C17orf67: variants seen among roughly 807,000 people sequenced by gnomAD.
C17orf67 encodes the protein uncharacterized protein C17orf67.
A neutral mutation model predicts 11.2 loss-of-function variants in C17orf67; 12 were observed. The ratio of observed to expected loss-of-function variants is 1.07; its 90% CI spans 0.68 to 1.73. The LOEUF (loss-of-function observed/expected upper bound fraction) is 1.73. Among genes scored for constraint, C17orf67 ranks in the 40% most tolerant of loss-of-function variants. The probability of loss-of-function intolerance (pLI) is 0.00; values close to 1 mark genes in which losing one functional copy is unlikely to be tolerated. For missense variants in C17orf67, 115 were observed against 113.5 expected (o/e 1.01, Z -0.06); for synonymous variants, 59 against 46.9 (o/e 1.26, Z -1.05).
At position 56,824,733 on chromosome 17, in the gene C17orf67, A is replaced by G. The variant is rs999736066; in HGVS notation, c.-201+6T>C. On this transcript the variant is annotated splice_donor_region_variant and intron_variant, in intron 4 of 7. Coordinates refer to ENST00000397861, the MANE Select transcript of C17orf67 (RefSeq NM_001085430.4). The stretch of plus-strand genomic sequence containing the variant: ...GACTCTGTCCCAAAGACATTGCTCA[A>G]CTTACCTCCTGCTGGGAACCTTCAC... 2 of 152,286 alleles carry G rather than the reference A, an allele frequency of 1.3e-5. No individual in the cohort carries two copies. Among genetic ancestry groups the G allele is most frequent in the African/African-American group, 4.8e-5 (2 of 41,464 alleles). 9.4% of individuals were successfully genotyped at this position (152,286 alleles called of 1,614,324 possible). A position where few individuals can be genotyped will look rare whatever the true frequency, so the allele number is the denominator to read the frequency against.
rs1436412412 is a variant in C17orf67 at position 56,792,898 on chromosome 17, TGGG to T, written c.*21-549_*21-547del. Among the ~76,000 whole-genome samples, 7 of 118,290 alleles carry T rather than the reference TGGG, an allele frequency of 5.9e-5. 1 individual carries two copies. Among genetic ancestry groups the T allele is most frequent in the African/African-American group, 1.3e-4 (4 of 31,232 alleles). The allele number at this position is 118,290 out of a possible 152,430, so 77.6% of individuals were successfully genotyped here. On this transcript the variant is annotated intron_variant, in intron 7 of 7. Transcript: ENST00000397861. Reference sequence around the variant, plus strand: ...GTGGTGGTGGTGGTGGTGATGGTGGTGGGGGTGATGGTGGTGGTGATGATGGTG... The same window carrying T: ...GTGGTGGTGGTGGTGGTGATGGTGGTGGTGATGGTGGTGGTGATGATGGTG...
rs1382946061 is a variant in C17orf67, at chr17:56,833,064, C to G, written c.-723G>C. On this transcript the variant is annotated 5_prime_UTR_variant, in exon 2 of 8. Coordinates refer to ENST00000397861, the MANE Select transcript of C17orf67 (RefSeq NM_001085430.4). ...GTGTGTTTTCTTTCCATCTTTTATG[C>G]TAGAGGAAGTCCGCAAGCAACAAGT... 6.6e-6 allele frequency: 1 copy of G among 152,218 alleles called. No individual in the cohort carries two copies. Among genetic ancestry groups the G allele is most frequent in the African/African-American group, 2.4e-5 (1 of 41,430 alleles). The allele number at this position is 152,218 out of a possible 1,614,324, so 9.4% of individuals were successfully genotyped here.
rs373056538 is a variant in C17orf67 at position 56,795,160 on chromosome 17, G to A, written c.177C>T (p.Leu59=). Residue 59 remains leucine (L), a synonymous_variant, in exon 7 of 8, where the codon CTC becomes CTT. Coordinates refer to ENST00000397861, the MANE Select transcript of C17orf67 (RefSeq NM_001085430.4). ...GCTCCTCAGCGCGATGCTCCAGGGC[G>A]AGCAGGTGGTGCATGTATTCCTGTC... ...EPMREYMHHL[L]ALEHRAEEQF... is the part of the protein sequence containing the mutation. The A allele has an allele frequency of 1.0e-4, 169 of 1,613,978 alleles. No individual in the cohort carries two copies. Among genetic ancestry groups the A allele is most frequent in the Middle Eastern group, 4.9e-4 (3 of 6,084 alleles).
chr17:56,827,929 G>A lies in C17orf67; in HGVS notation c.-556-2608C>T, dbSNP rs367660086. Among the ~76,000 whole-genome samples, 4 of 152,124 alleles carry A rather than the reference G, an allele frequency of 2.6e-5. No individual in the cohort carries two copies. The South Asian group carries it at 6.2e-4, about 24-fold the overall frequency. On this transcript the variant is annotated intron_variant, in intron 2 of 7. Coordinates refer to ENST00000397861, the MANE Select transcript of C17orf67 (RefSeq NM_001085430.4). Reference sequence around the variant, plus strand: ...CATTTAAAAATGTGGATGCTGGGCCGGTCGCAGTGGCTCACACCTGTAATC... The same window carrying A: ...CATTTAAAAATGTGGATGCTGGGCCAGTCGCAGTGGCTCACACCTGTAATC...
intron 2 of C17orf67, among the ~76,000 whole-genome samples, chr17:56,830,206 G>C (rs922362727): frequency 6.6e-6 from 1 of 151,982 alleles, no homozygotes; most frequent in Non-Finnish European, 1.5e-5. Flanking sequence ...TTAGCCGGGC[G>C]TGGTGGCGGG....
intron 2 of C17orf67, among the ~76,000 whole-genome samples, chr17:56,825,741 G>A (rs577475686): frequency 6.6e-6 from 1 of 152,080 alleles, no homozygotes; most frequent in African/African-American, 2.4e-5. Context: ...ATTTTGTAAT[G>A]CTAAATAAGA....
chr17:56,824,240 T>C (rs1441266190), intron 4 of C17orf67, among the ~76,000 whole-genome samples: 1 of 152,244 alleles, frequency 6.6e-6, no homozygotes, highest in Non-Finnish European at 1.5e-5. Flanking sequence ...AAATTGAGCC[T>C]GGATCACTCT....
intron 2 of C17orf67, among the ~76,000 whole-genome samples, chr17:56,831,732 G>C (rs1906208187): frequency 6.6e-6 from 1 of 152,244 alleles, no homozygotes; most frequent in Non-Finnish European, 1.5e-5. Flanking sequence ...ATCCGTATAA[G>C]ACAGCCTCCA....
At chr17:56,815,708 T>C in intron 5 of C17orf67, 48 bp downstream of exon 5, 1 of 1,507,044 alleles carries the variant, frequency 6.6e-7, no homozygotes, top group South Asian at 1.4e-5. Context: ...TAGACTATTA[T>C]TTATCATGTC....
rs1567802473 is a variant in C17orf67, at chr17:56,830,362, AAG to A, written c.-557+2534_-557+2535del. On this transcript the variant is annotated intron_variant, in intron 2 of 7. Transcript: ENST00000397861. Reference sequence around the variant, plus strand: ...TCCGTCTCAAAAAAAAAAAAAGAAAAAGAAAAAATTTATGCAAAGGGAGATTT... The same window carrying A: ...TCCGTCTCAAAAAAAAAAAAAGAAAAAAAAAATTTATGCAAAGGGAGATTT... 4.6e-5 allele frequency among the ~76,000 whole-genome samples: 7 copies of A among 152,278 alleles called. No homozygotes were observed. In the East Asian group the frequency reaches 1.3e-3, roughly 29 times the overall value.
At chr17:56,803,411 C>T (rs1905372312) in intron 6 of C17orf67, among the ~76,000 whole-genome samples, 2 of 152,198 alleles carry the variant, frequency 1.3e-5, no homozygotes, top group Admixed American at 6.5e-5. Context: ...GTGATATTAA[C>T]GAATGTCACT....
At chr17:56,808,999 A>G (rs534761785) in intron 6 of C17orf67, among the ~76,000 whole-genome samples, 138 of 151,300 alleles carry the variant, frequency 9.1e-4, no homozygotes, top group Non-Finnish European at 1.7e-3. Flanking sequence ...TAACCTGACC[A>G]GTCATCTCTC....
intron 2 of C17orf67, among the ~76,000 whole-genome samples, chr17:56,826,856 T>C (rs1175743720): frequency 6.6e-6 from 1 of 152,204 alleles, no homozygotes; most frequent in Non-Finnish European, 1.5e-5. Flanking sequence ...TTTTCATCTG[T>C]AAAATGGGGA....
chr17:56,821,402 G>C (rs1905901631), intron 4 of C17orf67, among the ~76,000 whole-genome samples: 1 of 152,112 alleles, frequency 6.6e-6, no homozygotes, highest in Admixed American at 6.5e-5. Flanking sequence ...TGGTAGACTA[G>C]ACTACAGTAT....
intron 6 of C17orf67, among the ~76,000 whole-genome samples, chr17:56,809,789 G>A (rs1169483239): frequency 9.8e-6 from 1 of 102,160 alleles, no homozygotes; most frequent in African/African-American, 3.9e-5. Flanking sequence ...CTCATACACA[G>A]ACCCCTCACA....
At chr17:56,811,944 A>T (rs1905638719) in intron 6 of C17orf67, among the ~76,000 whole-genome samples, 1 of 152,222 alleles carries the variant, frequency 6.6e-6, no homozygotes, top group Non-Finnish European at 1.5e-5. Context: ...CCTCGGCTGC[A>T]GGTTGGCATC....
chr17:56,818,661 A>G (rs1018713904), intron 4 of C17orf67, among the ~76,000 whole-genome samples: 5 of 152,256 alleles, frequency 3.3e-5, no homozygotes, highest in Non-Finnish European at 7.3e-5. Context: ...TAAAAAGGTT[A>G]AATATTTTAA....
chr17:56,812,940 G>A (rs532989574), intron 6 of C17orf67, among the ~76,000 whole-genome samples: 2 of 152,292 alleles, frequency 1.3e-5, no homozygotes, highest in Non-Finnish European at 2.9e-5. Flanking sequence ...AAACCCACCT[G>A]TTCACCCACA....
chr17:56,809,496 A>G (rs2144126834), intron 6 of C17orf67, among the ~76,000 whole-genome samples: 2 of 151,538 alleles, frequency 1.3e-5, no homozygotes, highest in East Asian at 1.9e-4. Flanking sequence ...ACACACACAC[A>G]CGAACCCTCA....
Sources: allele counts gnomAD v4.1 joint callset (sites outside exome capture counted in the v4.1 genomes callset), GRCh38; gene constraint gnomAD v4.1.1; transcripts MANE v1.5; gene names NCBI Gene and HGNC (gene_info 2026-07-23, HGNC 2026-07-21).